Variants in MYO5B observed in about 807,000 individuals in gnomAD.
MYO5B encodes unconventional myosin-Vb.
In MYO5B, 143 loss-of-function variants were observed where a neutral mutation model predicts 229.3. The observed-to-expected ratio is 0.62, with a 90% CI of 0.54 to 0.72. The LOEUF is 0.72. Among genes scored for constraint, MYO5B ranks in the 30% least tolerant of loss-of-function variants. MYO5B has a pLI of 0.00. For missense variants in MYO5B, 2,321 were observed against 2,331.0 expected (o/e 1.00, Z 0.09); for synonymous variants, 918 against 885.2 (o/e 1.04, Z -0.66).
At position 49,853,438 on chromosome 18, in the gene MYO5B, T is replaced by G. The variant is rs1421694495; in HGVS notation, c.4221+11A>C. The G allele has an allele frequency of 1.3e-5, 21 of 1,613,902 alleles. No homozygotes were observed. The highest frequency in any genetic ancestry group is 1.8e-5 in the Non-Finnish European group (21 of 1,179,986). ...TCCCAAAGCTGGGGTCCACTAGACA[T>G]GGCTACCCACCAGATTCTCGTTGGT... On this transcript the variant is annotated intron_variant, in intron 31 of 39. Transcript: ENST00000285039.
At chr18:50,144,991 G>T (rs2032477084) in intron 1 of MYO5B, among the ~76,000 whole-genome samples, 1 of 152,134 alleles carries the variant, frequency 6.6e-6, no homozygotes, top group Admixed American at 6.5e-5. Flanking sequence ...TACAGGCCTT[G>T]AATCAATCAC....
chr18:49,898,691 T>C (rs973985042), intron 21 of MYO5B, among the ~76,000 whole-genome samples: 8 of 152,226 alleles, frequency 5.3e-5, no homozygotes, highest in Non-Finnish European at 1.0e-4. Flanking sequence ...TTGAACTGCA[T>C]GGTTCTTTTC....
chr18:50,037,013 G>A lies in MYO5B; in HGVS notation c.311-19C>T. The A allele has an allele frequency of 1.2e-6, 2 of 1,613,978 alleles. No individual in the cohort carries two copies. Among genetic ancestry groups the A allele is most frequent in the Non-Finnish European group, 1.7e-6 (2 of 1,179,950 alleles). On this transcript the variant is annotated intron_variant, in intron 3 of 39. Transcript: ENST00000285039. The stretch of plus-strand genomic sequence containing the variant: ...ACGATACCTGCAAACAGACAAGGTG[G>A]TCAGATTCCGACAGCACAGAAGACA...
At chr18:50,078,187 A>T (rs1941190994) in intron 1 of MYO5B, among the ~76,000 whole-genome samples, 1 of 152,204 alleles carries the variant, frequency 6.6e-6, no homozygotes. Context: ...AAATCCTTCC[A>T]CAGGAGGTCC....
intron 31 of MYO5B, among the ~76,000 whole-genome samples, chr18:49,852,854 G>T (rs2024217831): frequency 6.6e-6 from 1 of 152,136 alleles, no homozygotes; most frequent in South Asian, 2.1e-4. Context: ...ACTCAATGCA[G>T]AATCATGCTT....
intron 14 of MYO5B, among the ~76,000 whole-genome samples, chr18:49,948,907 T>C (rs1033368063): frequency 3.9e-5 from 6 of 152,202 alleles, no homozygotes; most frequent in African/African-American, 1.2e-4. Context: ...TAGGTTTTAA[T>C]TGTAGGTCCC....
chr18:50,191,324 G>A (rs893837707), intron 1 of MYO5B, among the ~76,000 whole-genome samples: 4 of 152,138 alleles, frequency 2.6e-5, no homozygotes, highest in African/African-American at 4.8e-5. Flanking sequence ...ACAGAGCAAG[G>A]TGCAGCCCAG....
At chr18:50,116,026 C>A (rs991395926) in intron 1 of MYO5B, among the ~76,000 whole-genome samples, 2 of 152,136 alleles carry the variant, frequency 1.3e-5, no homozygotes. Context: ...TCCATCCCCC[C>A]ATCTCTTCAG....
Position 49,847,134 on chromosome 18 carries a change from G to C in MYO5B, c.4459+12C>G. 1 of 1,614,068 alleles carries C rather than the reference G, an allele frequency of 6.2e-7. No homozygotes were observed. Among genetic ancestry groups the C allele is most frequent in the Non-Finnish European group, 8.5e-7 (1 of 1,180,012 alleles). ...GGGGCAGGCAGCATAGGGTGGCACA[G>C]AGGGTCCTTACCTGTCACCAGGTTC... On this transcript the variant is annotated intron_variant, in intron 33 of 39. Coordinates refer to ENST00000285039, the MANE Select transcript of MYO5B (RefSeq NM_001080467.3).
rs1263197105 is a variant in MYO5B at position 49,962,362 on chromosome 18, G to C, written c.1449C>G (p.Ile483Met). Residue 483 changes from isoleucine to methionine, a missense_variant, in exon 12 of 40, where the codon ATC becomes ATG. By Grantham distance (10) the Ile-to-Met change is conservative. This residue lies in a region of MYO5B where 2,113 missense variants were observed against 2,044.7 expected (regional missense o/e 1.03). Transcript: ENST00000285039. Reference protein sequence around the residue: ...LEQEEYMKEQIPWTLIDFYDN... With the variant: ...LEQEEYMKEQMPWTLIDFYDN... ...CATAAAAATCAATCAGGGTCCAAGG[G>C]ATCTGTTCCTTCATGTATTCTTCTT... is the stretch of plus-strand genomic sequence containing the variant. 5 of 1,614,058 alleles carry C rather than the reference G, an allele frequency of 3.1e-6. No homozygotes were observed.
In MYO5B at chr18:49,829,071, A is replaced by AC. The variant is rs1360950918; in HGVS notation, c.5395-2449_5395-2448insG. ...AAACAAATGAAATCAAAGTTGGTTC[A>AC]AAAAATTGACAATTTTTTTTTTTTT... On this transcript the variant is annotated intron_variant, in intron 39 of 39. Transcript: ENST00000285039. Among the ~76,000 whole-genome samples, 5 of 136,628 alleles carry AC rather than the reference A, an allele frequency of 3.7e-5. No homozygotes were observed. In the Admixed American group the frequency reaches 4.2e-4, roughly 11 times the overall value. 89.6% of individuals were successfully genotyped at this position (136,628 alleles called of 152,430 possible).
intron 1 of MYO5B, among the ~76,000 whole-genome samples, chr18:50,139,254 C>T (rs938355312): frequency 2.6e-5 from 4 of 152,196 alleles, no homozygotes; most frequent in Admixed American, 6.5e-5. Context: ...GACCCTCTCC[C>T]AACTTTGCAG....
chr18:50,183,314 T>TATATATATG (rs2033099934), intron 1 of MYO5B, among the ~76,000 whole-genome samples: 1 of 43,170 alleles, frequency 2.3e-5, no homozygotes, highest in African/African-American at 5.5e-5. Flanking sequence ...ATCATATATA[T>TATATATATG]ATATATATAT....
chr18:50,081,793 A>C (rs2031227730), intron 1 of MYO5B, among the ~76,000 whole-genome samples: 1 of 151,750 alleles, frequency 6.6e-6, no homozygotes, highest in Admixed American at 6.6e-5. Flanking sequence ...TTAAAAAAAA[A>C]ATAAAGCCCA....
At chr18:49,901,134 A>G (rs1486230205) in intron 21 of MYO5B, among the ~76,000 whole-genome samples, 1 of 152,230 alleles carries the variant, frequency 6.6e-6, no homozygotes, top group African/African-American at 2.4e-5. Context: ...CTTAGGATCA[A>G]TGCTGTTCAG....
chr18:50,084,765 C>T (rs2031295457), intron 1 of MYO5B, among the ~76,000 whole-genome samples: 1 of 152,164 alleles, frequency 6.6e-6, no homozygotes, highest in African/African-American at 2.4e-5. Flanking sequence ...TGCTGCATAT[C>T]TACAACCATC....
intron 14 of MYO5B, among the ~76,000 whole-genome samples, chr18:49,946,108 C>G (rs1441166059): frequency 1.4e-5 from 1 of 73,532 alleles, no homozygotes; most frequent in Non-Finnish European, 2.6e-5. Flanking sequence ...TTCATAGTAG[C>G]TTTTACTGTA....
In MYO5B at chr18:49,886,899, G is replaced by A. The variant is rs892088900; in HGVS notation, c.3046-6444C>T. On this transcript the variant is annotated intron_variant, in intron 22 of 39. Transcript: ENST00000285039. Reference sequence around the variant, plus strand: ...CACCTCTATACCAGGAGCCTTGCCAGGGCTGGGGGATACCAAATGAGATAG... The same window carrying A: ...CACCTCTATACCAGGAGCCTTGCCAAGGCTGGGGGATACCAAATGAGATAG... Among the ~76,000 whole-genome samples, 6 of 152,188 alleles carry A rather than the reference G, an allele frequency of 3.9e-5. No individual in the cohort carries two copies. The South Asian group carries it at 1.2e-3, about 32-fold the overall frequency.
chr18:49,923,344 C>A (rs2025095613), intron 17 of MYO5B, among the ~76,000 whole-genome samples: 1 of 152,194 alleles, frequency 6.6e-6, no homozygotes, highest in Non-Finnish European at 1.5e-5. Context: ...CAGGAAGCAA[C>A]ACAGGGCTAG....
Sources: gnomAD v4.1 joint callset for allele counts (sites outside exome capture counted in the v4.1 genomes callset) on GRCh38, gnomAD v4.1.1 for gene constraint, gnomAD v4.1.1 regional missense constraint, MANE v1.5 for transcripts, NCBI Gene and HGNC (gene_info 2026-07-23, HGNC 2026-07-21) for gene names.